The following LPIN1 variants were observed in gnomAD, a reference collection of about 807,000 sequenced individuals.
LPIN1 encodes lipin 1.
LPIN1 carries 71 observed loss-of-function variants against 107.5 expected under a neutral mutation model. The ratio of observed to expected loss-of-function variants is 0.66; its 90% CI spans 0.55 to 0.80. The LOEUF is 0.80. LPIN1 is among the 30% of genes least tolerant of loss of function. The pLI is 0.00. For missense variants in LPIN1, 1,043 were observed against 1,160.6 expected (o/e 0.90, Z 1.47); for synonymous variants, 445 against 452.6 (o/e 0.98, Z 0.21).
intron 4 of LPIN1, among the ~76,000 whole-genome samples, chr2:11,772,281 G>A (rs143226473): frequency 6.6e-6 from 1 of 152,210 alleles, no homozygotes; most frequent in Non-Finnish European, 1.5e-5. Flanking sequence ...GGACCCCAGG[G>A]GTTGGGGACC....
At chr2:11,805,304 G>A in intron 17 of LPIN1, 148 bp downstream of exon 17, 3 of 714,264 alleles carry the variant, frequency 4.2e-6, no homozygotes, top group South Asian at 1.5e-5. Flanking sequence ...GTCAGGGGTA[G>A]CAGTGGAGTC....
chr2:11,813,332 A>G (rs1680011228), intron 17 of LPIN1, among the ~76,000 whole-genome samples: 1 of 152,336 alleles, frequency 6.6e-6, no homozygotes, highest in South Asian at 2.1e-4. Flanking sequence ...TCACTTAGAC[A>G]TGTAATCAAT....
chr2:11,815,175 G>A lies in LPIN1; in HGVS notation c.2337G>A (p.Arg779=), dbSNP rs1680359896. ...TRGYLHWVNE[R]GTVLPQGPLL... ...GCTACCTGCACTGGGTCAACGAGAG[G>A]GGCACGGTGCTGCCCCAGGGGCCCC... Residue 779 remains arginine, a synonymous_variant, in exon 18 of 21, where the codon AGG becomes AGA. Transcript: ENST00000674199. The A allele has an allele frequency of 6.2e-7, 1 of 1,614,184 alleles. No homozygotes were observed. The highest frequency in any genetic ancestry group is 8.5e-7 in the Non-Finnish European group (1 of 1,180,030).
upstream of LPIN1, among the ~76,000 whole-genome samples, chr2:11,744,604 T>C (rs1448371357): frequency 6.6e-6 from 1 of 152,214 alleles, no homozygotes; most frequent in Non-Finnish European, 1.5e-5. Flanking sequence ...AATTGTCCTA[T>C]ATTTTCAGAC....
chr2:11,744,545 C>T (rs950296492), upstream of LPIN1, among the ~76,000 whole-genome samples: 23 of 152,242 alleles, frequency 1.5e-4, no homozygotes, highest in African/African-American at 2.2e-4. Flanking sequence ...TGACCCTAGC[C>T]GTGCTGGGCC....
chr2:11,794,248 A>T (rs1676281716), intron 13 of LPIN1, among the ~76,000 whole-genome samples: 1 of 152,226 alleles, frequency 6.6e-6, no homozygotes, highest in Non-Finnish European at 1.5e-5. Context: ...ATGTTCTAGA[A>T]TTTAAGATGG....
intron 14 of LPIN1, among the ~76,000 whole-genome samples, chr2:11,799,548 C>T (rs183183086): frequency 5.9e-5 from 9 of 152,024 alleles, no homozygotes; most frequent in Admixed American, 5.2e-4. Flanking sequence ...TGAAAACCTC[C>T]AGATTGTTGG....
Position 11,707,426 on chromosome 2 carries a change from C to T in LPIN1, c.82-6330C>T, listed in dbSNP as rs1318474957. 6.6e-6 allele frequency among the ~76,000 whole-genome samples: 1 copy of T among 152,176 alleles called. No homozygotes were observed. Among genetic ancestry groups the T allele is most frequent in the African/African-American group, 2.4e-5 (1 of 41,442 alleles). On this transcript the variant is annotated intron_variant, in intron 1 of 21. Transcript: ENST00000449576. The surrounding 1 kb of genome is among the most constrained non-coding windows in gnomAD (Gnocchi z 4.2). ...GCAGGAGGTGAGTCCGGAACCGTGG[C>T]CAGACCCCCTGAGGCCACTGTAGGG...
chr2:11,759,509 A>C (rs1447793588), intron 1 of LPIN1, among the ~76,000 whole-genome samples: 1 of 152,192 alleles, frequency 6.6e-6, no homozygotes, highest in Non-Finnish European at 1.5e-5. Context: ...GTAAGGTCAT[A>C]GATCAACAGC....
At chr2:11,694,782 AT>A (rs1333408825) in intron 1 of LPIN1, among the ~76,000 whole-genome samples, 1 of 152,214 alleles carries the variant, frequency 6.6e-6, no homozygotes, top group East Asian at 1.9e-4. Flanking sequence ...ACATCTGTTA[AT>A]TTTGTTAAAA....
intron 1 of LPIN1, chr2:11,741,285 T>C (rs1666337791): frequency 1.7e-6 from 2 of 1,196,070 alleles, no homozygotes; most frequent in Non-Finnish European, 2.4e-6. Flanking sequence ...GCCTGGTCAT[T>C]TTCATTCTCG....
Position 11,783,845 on chromosome 2 carries a change from T to A in LPIN1, c.1281T>A (p.His427Gln). Residue 427 changes from histidine (H) to glutamine (Q), a missense_variant, in exon 9 of 21, where the codon CAT becomes CAA. By Grantham distance (24) the His-to-Gln change is conservative. Coordinates refer to ENST00000674199, the MANE Select transcript of LPIN1 (RefSeq NM_001349206.2). ...PSRKRDKRSRHLGADGVYLDD... is the reference protein window; with the variant it reads ...PSRKRDKRSRQLGADGVYLDD... ...CCGTTTTAGATAAACGAAGCCGACATCTTGGTGCTGACGGCGTCTACTTGG... is the reference window on the plus strand; with the variant it reads ...CCGTTTTAGATAAACGAAGCCGACAACTTGGTGCTGACGGCGTCTACTTGG... 6.2e-7 allele frequency: 1 copy of A among 1,614,042 alleles called. No individual in the cohort carries two copies. The highest frequency in any genetic ancestry group is 8.5e-7 in the Non-Finnish European group (1 of 1,179,910).
intron 12 of LPIN1, among the ~76,000 whole-genome samples, chr2:11,791,397 T>C (rs1413295802): frequency 6.6e-6 from 1 of 152,244 alleles, no homozygotes; most frequent in Non-Finnish European, 1.5e-5. Context: ...TGAATTTTCT[T>C]TTTAATACTC....
intron 1 of LPIN1, among the ~76,000 whole-genome samples, chr2:11,748,045 G>A (rs78800602): frequency 0.024 from 3,599 of 152,334 alleles, 132 homozygotes; most frequent in African/African-American, 0.082. Flanking sequence ...AGCACAGGGG[G>A]ACAAGGGGCG....
intron 1 of LPIN1, chr2:11,682,487 G>C (rs1247765192): frequency 6.6e-6 from 1 of 152,642 alleles, no homozygotes; most frequent in Non-Finnish European, 1.5e-5. Context: ...GACAGCCCTA[G>C]TCATCCTTCA....
At position 11,677,670 on chromosome 2, in the gene LPIN1, G is replaced by A. The variant is rs538179741; in HGVS notation, c.23G>A (p.Arg8His). 17 of 1,535,702 alleles carry A rather than the reference G, an allele frequency of 1.1e-5. No individual in the cohort carries two copies. In the East Asian group the frequency reaches 2.0e-4, roughly 18 times the overall value. Residue 8 changes from arginine (R) to histidine (H), a missense_variant, in exon 1 of 22, where the codon CGC becomes CAC. Coordinates refer to the LPIN1 transcript ENST00000449576. ...GCCATGGGGGAACAGGACGGCATTC[G>A]CAGCTCCAGCTGGGAGACCTCGCAG...
At chr2:11,710,228 C>T (rs1663339498) in intron 1 of LPIN1, among the ~76,000 whole-genome samples, 1 of 152,120 alleles carries the variant, frequency 6.6e-6, no homozygotes, top group South Asian at 2.1e-4. Flanking sequence ...AATACCATCA[C>T]CTTAGGGATT....
Position 11,786,316 on chromosome 2 carries a change from G to A in LPIN1, c.1550-758G>A, listed in dbSNP as rs144227962. 6.0e-4 allele frequency among the ~76,000 whole-genome samples: 91 copies of A among 152,288 alleles called. No individual in the cohort carries two copies. Among genetic ancestry groups the A allele is most frequent in the Middle Eastern group, 6.8e-3 (2 of 294 alleles). ...AGTGTCTGATGTCTGCTGGGTTTCG[G>A]TTCGGTTCAGGGTAAATAGGAGCTC... On this transcript the variant is annotated intron_variant, in intron 10 of 20. Coordinates refer to ENST00000674199, the MANE Select transcript of LPIN1 (RefSeq NM_001349206.2). The surrounding 1 kb of genome is among the most constrained non-coding windows in gnomAD (Gnocchi z 4.1).
At chr2:11,739,793 A>G (rs1474875470) in intron 1 of LPIN1, among the ~76,000 whole-genome samples, 1 of 152,248 alleles carries the variant, frequency 6.6e-6, no homozygotes, top group Admixed American at 6.5e-5. Flanking sequence ...CAATATAAAC[A>G]GATCCAGAAA....
Sources: gnomAD v4.1 joint callset for allele counts (sites outside exome capture counted in the v4.1 genomes callset) on GRCh38, gnomAD v4.1.1 for gene constraint, Gnocchi (gnomAD v3.1) non-coding constraint, MANE v1.5 for transcripts, NCBI Gene and HGNC (gene_info 2026-07-23, HGNC 2026-07-21) for gene names.